TRIM66: variants seen among roughly 807,000 people sequenced by gnomAD.
The protein encoded by TRIM66 is tripartite motif-containing protein 66.
Under a neutral mutation model 148.2 loss-of-function variants are expected in TRIM66, and 99 were observed. The ratio of observed to expected loss-of-function variants is 0.67; its 90% CI spans 0.57 to 0.79. The LOEUF is 0.79. Among genes scored for constraint, TRIM66 ranks in the 30% least tolerant of loss-of-function variants. The probability of loss-of-function intolerance (pLI) is 0.00; values close to 1 mark genes in which losing one functional copy is unlikely to be tolerated. For synonymous variants in TRIM66, 616 were observed against 635.9 expected, an observed-to-expected ratio of 0.97 and a Z score of 0.47; for missense variants, 1,666 against 1,697.9, an observed-to-expected ratio of 0.98 and a Z score of 0.33.
chr11:8,646,491 T>C lies in TRIM66; in HGVS notation c.913A>G (p.Asn305Asp). Residue 305 changes from asparagine (N) to aspartate (D), a missense_variant, in exon 11 of 25, where the codon AAT becomes GAT. Coordinates refer to ENST00000646038, the MANE Select transcript of TRIM66 (RefSeq NM_001388022.1). ...CCATTGGCCTGTTTGTTCAGCTCAT[T>C]CATCAGAACCATCTTGGCCATTTTG... is the stretch of plus-strand genomic sequence containing the variant. Reference protein sequence around the residue: ...QIKMAKMVLMNELNKQANGLI... With the variant: ...QIKMAKMVLMDELNKQANGLI... 1 of 1,552,270 alleles carries C rather than the reference T, an allele frequency of 6.4e-7. No homozygotes were observed. Among genetic ancestry groups the C allele is most frequent in the Non-Finnish European group, 8.7e-7 (1 of 1,147,112 alleles).
At position 8,679,970 on chromosome 11, in the gene TRIM66, G is replaced by A. The variant is rs944791826; in HGVS notation, c.-454C>T. On this transcript the variant is annotated 5_prime_UTR_variant, in exon 2 of 25. Coordinates refer to ENST00000646038, the MANE Select transcript of TRIM66 (RefSeq NM_001388022.1). The stretch of plus-strand genomic sequence containing the variant: ...GCTTCAGTTTTCACACACGTAAAAT[G>A]AGGCTGGTAGTGCTGTACCTTCAGG... 1 of 152,316 alleles carries A rather than the reference G, an allele frequency of 6.6e-6. No homozygotes were observed. 9.4% of individuals were successfully genotyped at this position (152,316 alleles called of 1,614,324 possible). A position where few individuals can be genotyped will look rare whatever the true frequency, so the allele number is the denominator to read the frequency against.
intron 6 of TRIM66, among the ~76,000 whole-genome samples, chr11:8,665,075 G>A (rs747895287): frequency 1.3e-5 from 2 of 151,268 alleles, no homozygotes; most frequent in Admixed American, 6.6e-5. Flanking sequence ...GCCTCTATCC[G>A]CCTCCCCTGC....
In TRIM66 at chr11:8,618,077, G is replaced by A. The variant is rs1310747907; in HGVS notation, c.4120-74C>T. On this transcript the variant is annotated intron_variant, in intron 24 of 24. Transcript: ENST00000646038. ...TATTAACATGAAAAGGCTATGTCAA[G>A]ATTGCAGTTCTGCCAAGTCAACGTA... 3 of 1,406,240 alleles carry A rather than the reference G, an allele frequency of 2.1e-6. No individual in the cohort carries two copies. In the East Asian group the frequency reaches 7.5e-5, roughly 35 times the overall value. 87.1% of individuals were successfully genotyped at this position (1,406,240 alleles called of 1,614,324 possible).
At chr11:8,664,368 ATTCTAAGTGAGCGTGGAC>A (rs2038453613) in intron 6 of TRIM66, among the ~76,000 whole-genome samples, 1 of 152,136 alleles carries the variant, frequency 6.6e-6, no homozygotes, top group South Asian at 2.1e-4. Context: ...TCAGTTTGGT[ATTCTAAGTGAGCGTGGAC>A]TCTCCCCGTG....
At chr11:8,683,065 G>A (rs1186847794), upstream of TRIM66, 2 of 985,306 alleles carry the variant, frequency 2.0e-6, no homozygotes, top group Non-Finnish European at 3.2e-6. Context: ...GCCCTGAGCG[G>A]ATCGGTACCC....
chr11:8,678,611 A>G (rs4520599), intron 3 of TRIM66, among the ~76,000 whole-genome samples: 5,838 of 152,244 alleles, frequency 0.038, 371 homozygotes, highest in African/African-American at 0.13. Context: ...GTAAATTGGG[A>G]TTTCTGAGCT....
At chr11:8,661,433 T>G (rs1243945740) in intron 6 of TRIM66, among the ~76,000 whole-genome samples, 3 of 152,186 alleles carry the variant, frequency 2.0e-5, no homozygotes, top group Non-Finnish European at 4.4e-5. Context: ...CTGACCGAGG[T>G]AGCACCTCTG....
intron 7 of TRIM66, 74 bp downstream of exon 7, chr11:8,651,726 A>G: frequency 2.6e-6 from 3 of 1,142,158 alleles, no homozygotes; most frequent in Non-Finnish European, 3.9e-6. Context: ...TGATGGATGG[A>G]TAGAAGACTT....
intron 6 of TRIM66, chr11:8,654,481 A>G (rs2037641982): frequency 6.6e-6 from 1 of 152,184 alleles, no homozygotes; most frequent in Non-Finnish European, 1.5e-5. Context: ...TTCCCCCGGG[A>G]TGAGTTAATT....
chr11:8,634,614 G>A (rs1053220771), intron 15 of TRIM66, among the ~76,000 whole-genome samples: 1 of 152,208 alleles, frequency 6.6e-6, no homozygotes, highest in Non-Finnish European at 1.5e-5. Context: ...TTCTTTCAGA[G>A]TGGCTGAATC....
At chr11:8,645,963 TTG>T (rs1420058092) in intron 11 of TRIM66, 76 bp from the exon 12 acceptor site, 9 of 1,438,790 alleles carry the variant, frequency 6.3e-6, no homozygotes, top group Non-Finnish European at 7.6e-6. Context: ...GTCTGGTGGC[TTG>T]TGTGTGTCAC....
chr11:8,667,157 A>G (rs1368380106), intron 6 of TRIM66, among the ~76,000 whole-genome samples: 1 of 152,184 alleles, frequency 6.6e-6, no homozygotes, highest in African/African-American at 2.4e-5. Flanking sequence ...TTTAGAGTCA[A>G]ACACAGCCTT....
Position 8,651,893 on chromosome 11 carries a change from G to A in TRIM66, c.351C>T (p.Ser117=). 2 of 1,551,298 alleles carry A rather than the reference G, an allele frequency of 1.3e-6. No individual in the cohort carries two copies. Among genetic ancestry groups the A allele is most frequent in the Non-Finnish European group, 1.7e-6 (2 of 1,146,724 alleles). Residue 117 remains serine, a synonymous_variant, in exon 7 of 25, where the codon TCC becomes TCT. Coordinates refer to ENST00000646038, the MANE Select transcript of TRIM66 (RefSeq NM_001388022.1). The part of the protein sequence containing the change: ...AHETVADELI[S]CPGCERVYLT... The stretch of plus-strand genomic sequence containing the variant: ...GATATACTCGTTCACACCCAGGACA[G>A]GAGATGAGCTCTGTGCAAGAAAGAA...
At chr11:8,652,033 C>A in intron 6 of TRIM66, 130 bp from the exon 7 acceptor site, 1 of 690,198 alleles carries the variant, frequency 1.4e-6, no homozygotes, top group South Asian at 2.0e-5. Flanking sequence ...ATGAACTACA[C>A]TTGATGCCAT....
At chr11:8,667,143 T>C (rs1388531323) in intron 6 of TRIM66, among the ~76,000 whole-genome samples, 2 of 152,162 alleles carry the variant, frequency 1.3e-5, no homozygotes, top group Admixed American at 1.3e-4. Flanking sequence ...TTTAATGTTC[T>C]CCTTTTAGAG....
intron 6 of TRIM66, among the ~76,000 whole-genome samples, chr11:8,667,054 G>T (rs1486761485): frequency 6.6e-6 from 1 of 152,060 alleles, no homozygotes; most frequent in African/African-American, 2.4e-5. Context: ...CTGACCTCAG[G>T]TGATCCACCT....
intron 6 of TRIM66, chr11:8,654,648 T>C (rs1484285140): frequency 2.0e-5 from 3 of 152,240 alleles, no homozygotes. Flanking sequence ...TGAACAATTA[T>C]AGAGTAAGTC....
chr11:8,682,637 G>A lies in TRIM66; in HGVS notation c.-584C>T, dbSNP rs2039498942. ...ACCGCCACCAGGACACTCCGTGATG[G>A]GGGATCACCACCCTCAGAAAGAGGA... On this transcript the variant is annotated 5_prime_UTR_variant, in exon 1 of 25. Transcript: ENST00000646038. 2 of 713,130 alleles carry A rather than the reference G, an allele frequency of 2.8e-6. No individual in the cohort carries two copies. The highest frequency in any genetic ancestry group is 1.6e-5 in the South Asian group (1 of 64,144). 44.2% of individuals were successfully genotyped at this position (713,130 alleles called of 1,614,324 possible). A position where few individuals can be genotyped will look rare whatever the true frequency, so the allele number is the denominator to read the frequency against.
At chr11:8,638,267 C>T (rs1436408154) in intron 15 of TRIM66, among the ~76,000 whole-genome samples, 1 of 152,180 alleles carries the variant, frequency 6.6e-6, no homozygotes, top group African/African-American at 2.4e-5. Context: ...GCTGTAAGGC[C>T]CTGGACTTCA....
Sources: gnomAD v4.1 joint callset for allele counts (sites outside exome capture counted in the v4.1 genomes callset) on GRCh38, gnomAD v4.1.1 for gene constraint, MANE v1.5 for transcripts, NCBI Gene and HGNC (gene_info 2026-07-23, HGNC 2026-07-21) for gene names.